PPP1R9A: variants seen among roughly 807,000 people sequenced by gnomAD.
PPP1R9A encodes the protein neurabin-1.
A neutral mutation model predicts 141.9 loss-of-function variants in PPP1R9A; 59 were observed. That is an observed-to-expected ratio of 0.42 (90% confidence interval 0.34 to 0.52). PPP1R9A has a LOEUF of 0.52. PPP1R9A is among the 20% of genes least tolerant of loss of function. The pLI, the probability that PPP1R9A is intolerant of heterozygous loss-of-function variation, is 0.10. For synonymous variants in PPP1R9A, 500 were observed against 569.7 expected (o/e 0.88, Z 1.74); for missense variants, 1,444 against 1,611.9 (o/e 0.90, Z 1.78).
intron 2 of PPP1R9A, among the ~76,000 whole-genome samples, chr7:94,973,380 A>G (rs527455934): frequency 1.3e-5 from 2 of 152,304 alleles, no homozygotes; most frequent in South Asian, 2.1e-4. Flanking sequence ...TTGAATTGTA[A>G]TGATGTCATG....
rs761306153 is a variant in PPP1R9A at position 95,269,271 on chromosome 7, C to T, written c.2888C>T (p.Thr963Met). ...TKLLPPKGLR[T>M]SSPESDSGVP... is the part of the protein sequence containing the mutation. ...TTACTTCCACCTAAGGGTTTGAGAA[C>T]GTCTTCTCCAGAATCAGATTCTGGT... Residue 963 changes from threonine to methionine, a missense_variant, in exon 14 of 20, where the codon ACG becomes ATG. Transcript: ENST00000433360. 26 of 1,580,774 alleles carry T rather than the reference C, an allele frequency of 1.6e-5. No individual in the cohort carries two copies. Among genetic ancestry groups the T allele is most frequent in the Non-Finnish European group, 2.0e-5 (23 of 1,163,282 alleles).
intron 3 of PPP1R9A, among the ~76,000 whole-genome samples, chr7:95,114,704 A>G (rs968540133): frequency 3.9e-5 from 6 of 152,098 alleles, no homozygotes; most frequent in Non-Finnish European, 7.4e-5. Context: ...GGTTAATATA[A>G]TGAACTCTAT....
chr7:94,919,959 C>T (rs2150702159), intron 2 of PPP1R9A, among the ~76,000 whole-genome samples: 1 of 152,238 alleles, frequency 6.6e-6, no homozygotes, highest in Admixed American at 6.5e-5. Context: ...CTCGGCTTTA[C>T]CATCCTGTAA....
intron 16 of PPP1R9A, among the ~76,000 whole-genome samples, chr7:95,282,006 C>T (rs1918480): frequency 0.12 from 17,511 of 152,092 alleles, 1,351 homozygotes; most frequent in African/African-American, 0.21. Flanking sequence ...TTCTACACAG[C>T]TAGAGCTTTC....
intron 18 of PPP1R9A, among the ~76,000 whole-genome samples, chr7:95,287,639 G>C (rs1373703549): frequency 6.6e-6 from 1 of 152,152 alleles, no homozygotes; most frequent in Non-Finnish European, 1.5e-5. Flanking sequence ...CTTACTAACT[G>C]TGTGATCTTG....
chr7:94,999,422 A>C (rs1032854595), intron 2 of PPP1R9A, among the ~76,000 whole-genome samples: 1 of 152,346 alleles, frequency 6.6e-6, no homozygotes, highest in East Asian at 1.9e-4. Flanking sequence ...ATACAGCACT[A>C]GGTTCATCTC....
Position 95,284,947 on chromosome 7 carries a change from G to A in PPP1R9A, c.3609+617G>A, listed in dbSNP as rs181895191. Among the ~76,000 whole-genome samples, 598 of 152,302 alleles carry A rather than the reference G, an allele frequency of 3.9e-3. 1 individual carries two copies. The highest frequency in any genetic ancestry group is 6.4e-3 in the Non-Finnish European group (433 of 68,016). On this transcript the variant is annotated intron_variant, in intron 17 of 19. Coordinates refer to ENST00000433360, the MANE Select transcript of PPP1R9A (RefSeq NM_001166160.2). ...TCGCTTTTCTTTCTCAAACAGAAAC[G>A]TGATTAATGTTACTTGAATTTAATT...
intron 5 of PPP1R9A, among the ~76,000 whole-genome samples, chr7:95,189,162 C>T (rs992838444): frequency 6.6e-6 from 1 of 152,112 alleles, no homozygotes; most frequent in South Asian, 2.1e-4. Flanking sequence ...TGCTGTTAAT[C>T]TGGTAGGTTT....
At chr7:95,128,679 C>A (rs191015979) in intron 4 of PPP1R9A, among the ~76,000 whole-genome samples, 1 of 152,066 alleles carries the variant, frequency 6.6e-6, no homozygotes, top group Non-Finnish European at 1.5e-5. Context: ...TGGGTTCAAG[C>A]GATTCTCCTG....
intron 2 of PPP1R9A, among the ~76,000 whole-genome samples, chr7:95,020,978 G>C (rs899737650): frequency 3.9e-5 from 6 of 152,120 alleles, no homozygotes; most frequent in Admixed American, 1.3e-4. Flanking sequence ...ATAATCCTTT[G>C]GGTATATACC....
At chr7:95,079,254 CTTGT>C (rs1247133187) in intron 2 of PPP1R9A, among the ~76,000 whole-genome samples, 7 of 152,146 alleles carry the variant, frequency 4.6e-5, no homozygotes, top group Non-Finnish European at 1.0e-4. Context: ...TTCCCCATTT[CTTGT>C]TTTTCTCAGG....
chr7:95,288,500 G>T, intron 18 of PPP1R9A, 36 bp from the exon 19 acceptor site: 10 of 1,603,132 alleles, frequency 6.2e-6, no homozygotes, highest in Non-Finnish European at 8.5e-6. Context: ...TAGTATCTTG[G>T]TCCTTTAACA....
intron 8 of PPP1R9A, among the ~76,000 whole-genome samples, chr7:95,226,421 T>G (rs1401676736): frequency 6.6e-6 from 1 of 152,196 alleles, no homozygotes; most frequent in Non-Finnish European, 1.5e-5. Flanking sequence ...TGGTAACTAG[T>G]GATAAGCTTT....
At chr7:94,948,488 A>G (rs1796123124) in intron 2 of PPP1R9A, among the ~76,000 whole-genome samples, 1 of 152,014 alleles carries the variant, frequency 6.6e-6, no homozygotes, top group Admixed American at 6.6e-5. Flanking sequence ...TTTGCCAGTC[A>G]TTGGGAGGGG....
chr7:95,010,333 G>A (rs1269295015), intron 2 of PPP1R9A, among the ~76,000 whole-genome samples: 1 of 152,102 alleles, frequency 6.6e-6, no homozygotes, highest in Non-Finnish European at 1.5e-5. Context: ...GAGTCCGGGA[G>A]GTCAGGGCTG....
chr7:95,076,729 T>G (rs2152242639), intron 2 of PPP1R9A, among the ~76,000 whole-genome samples: 1 of 152,200 alleles, frequency 6.6e-6, no homozygotes, highest in East Asian at 1.9e-4. Context: ...CTGAGTTCAG[T>G]AGGACTTAAT....
At chr7:95,146,039 G>T (rs927307905) in intron 4 of PPP1R9A, among the ~76,000 whole-genome samples, 3 of 152,120 alleles carry the variant, frequency 2.0e-5, no homozygotes, top group Non-Finnish European at 4.4e-5. Context: ...TAGGTCAAAT[G>T]GCATTTCTAG....
chr7:95,112,468 T>C (rs973796351), intron 3 of PPP1R9A, among the ~76,000 whole-genome samples: 8 of 152,184 alleles, frequency 5.3e-5, no homozygotes, highest in African/African-American at 1.7e-4. Context: ...GGGGGAAATG[T>C]AAATCAGTAC....
At chr7:95,087,839 G>C (rs1248741736) in intron 2 of PPP1R9A, among the ~76,000 whole-genome samples, 1 of 151,344 alleles carries the variant, frequency 6.6e-6, no homozygotes, top group Non-Finnish European at 1.5e-5. Context: ...AGGTTGCAGT[G>C]AGCCGAGATC....
Sources: gnomAD v4.1 joint callset for allele counts (sites outside exome capture counted in the v4.1 genomes callset) on GRCh38, gnomAD v4.1.1 for gene constraint, MANE v1.5 for transcripts, NCBI Gene and HGNC (gene_info 2026-07-23, HGNC 2026-07-21) for gene names.